The following FOXN3 variants were observed in gnomAD, a reference collection of about 807,000 sequenced individuals.
FOXN3 encodes the protein forkhead box N3.
In FOXN3, 7 loss-of-function variants were observed where a neutral mutation model predicts 38.4. That is an observed-to-expected ratio of 0.18 (90% CI 0.10 to 0.34). The LOEUF is 0.34. Ranked by LOEUF, FOXN3 falls within the 10% of genes least tolerant of loss-of-function variation. FOXN3 has a pLI of 1.00. For missense variants in FOXN3, 456 were observed against 613.4 expected (o/e 0.74, Z 2.71); for synonymous variants, 230 against 242.2 (o/e 0.95, Z 0.47).
chr14:89,459,470 C>T (rs965015642), intron 1 of FOXN3, among the ~76,000 whole-genome samples: 8 of 152,146 alleles, frequency 5.3e-5, no homozygotes, highest in African/African-American at 1.2e-4. Context: ...TTACTTTACA[C>T]GTGGGGAAAA....
intron 2 of FOXN3, among the ~76,000 whole-genome samples, chr14:89,382,767 T>C (rs1165864365): frequency 2.0e-5 from 3 of 152,172 alleles, no homozygotes; most frequent in Non-Finnish European, 4.4e-5. Flanking sequence ...AGATAACATA[T>C]GAAACCGCTT....
chr14:89,288,017 C>T (rs1294265173), intron 3 of FOXN3, among the ~76,000 whole-genome samples: 1 of 151,578 alleles, frequency 6.6e-6, no homozygotes, highest in Non-Finnish European at 1.5e-5. Flanking sequence ...GCCTTGATCA[C>T]ACCACTGCAC....
chr14:89,604,272 CAGAG>C (rs918900468), intron 1 of FOXN3, among the ~76,000 whole-genome samples: 51 of 150,576 alleles, frequency 3.4e-4, no homozygotes, highest in East Asian at 7.8e-4. Flanking sequence ...CGCACACACA[CAGAG>C]AGAGAGAGAG....
chr14:89,561,808 C>T (rs1019710931), intron 1 of FOXN3, among the ~76,000 whole-genome samples: 2 of 152,106 alleles, frequency 1.3e-5, no homozygotes, highest in African/African-American at 4.8e-5. Context: ...TTTAACATTT[C>T]CCCATTCAAC....
chr14:89,555,882 G>GTGTGTGTGTGGGT (rs58769284), intron 1 of FOXN3, among the ~76,000 whole-genome samples: 2 of 104,602 alleles, frequency 1.9e-5, no homozygotes, highest in Non-Finnish European at 4.1e-5. Flanking sequence ...TGTGTATGTG[G>GTGTGTGTGTGGGT]GGGTGTATGT....
chr14:89,523,062 A>T (rs1039583072), intron 1 of FOXN3, among the ~76,000 whole-genome samples: 13 of 152,180 alleles, frequency 8.5e-5, no homozygotes, highest in African/African-American at 3.1e-4. Context: ...AGAAATCTCG[A>T]ATAGCCCTAT....
At chr14:89,201,632 G>A (rs1176659173) in intron 4 of FOXN3, among the ~76,000 whole-genome samples, 1 of 152,172 alleles carries the variant, frequency 6.6e-6, no homozygotes, top group East Asian at 1.9e-4. Flanking sequence ...AAGGCCCAGG[G>A]AGATGCTCAG....
At chr14:89,342,021 C>T (rs1566961326) in intron 3 of FOXN3, among the ~76,000 whole-genome samples, 1 of 152,168 alleles carries the variant, frequency 6.6e-6, no homozygotes. Context: ...ATTGGAAACA[C>T]AGAGTTTCTT....
chr14:89,240,217 C>G (rs1390149418), intron 4 of FOXN3, among the ~76,000 whole-genome samples: 1 of 151,808 alleles, frequency 6.6e-6, no homozygotes, highest in Non-Finnish European at 1.5e-5. Flanking sequence ...CCAGAACTGA[C>G]CAGCACTTGG....
At chr14:89,410,078 C>G (rs1212564916) in intron 2 of FOXN3, among the ~76,000 whole-genome samples, 1 of 152,090 alleles carries the variant, frequency 6.6e-6, no homozygotes, top group Non-Finnish European at 1.5e-5. Context: ...TCCTCCCAGG[C>G]AACACCCCTC....
intron 2 of FOXN3, among the ~76,000 whole-genome samples, chr14:89,358,498 G>A (rs1041860734): frequency 4.6e-5 from 7 of 152,272 alleles, no homozygotes; most frequent in Admixed American, 2.0e-4. Flanking sequence ...ACACATACCT[G>A]GTTGGGCTGC....
At chr14:89,242,706 G>T (rs1259816804) in intron 4 of FOXN3, among the ~76,000 whole-genome samples, 1 of 152,074 alleles carries the variant, frequency 6.6e-6, no homozygotes, top group Non-Finnish European at 1.5e-5. Flanking sequence ...CCGGGAAAAG[G>T]CAAAGGAGAA....
At chr14:89,568,868 C>T (rs193087448) in intron 1 of FOXN3, among the ~76,000 whole-genome samples, 3 of 152,332 alleles carry the variant, frequency 2.0e-5, no homozygotes, top group Admixed American at 2.0e-4. Context: ...GATGGTTTGG[C>T]CCTTTCTTAG....
chr14:89,421,075 T>C (rs1440165368), upstream of FOXN3, among the ~76,000 whole-genome samples: 1 of 151,618 alleles, frequency 6.6e-6, no homozygotes, highest in East Asian at 1.9e-4. Context: ...TGGTTCCTTC[T>C]GAATGTTAGA....
intron 1 of FOXN3, among the ~76,000 whole-genome samples, chr14:89,498,210 C>CTTTTTTTT (rs547081117): frequency 8.5e-4 from 69 of 81,070 alleles, no homozygotes; most frequent in African/African-American, 2.4e-3. Context: ...CTCTCTCTCT[C>CTTTTTTTT]TTTTTTTTTT....
At chr14:89,379,643 AT>A (rs923111943) in intron 2 of FOXN3, among the ~76,000 whole-genome samples, 1 of 151,952 alleles carries the variant, frequency 6.6e-6, no homozygotes, top group African/African-American at 2.4e-5. Flanking sequence ...GTTTTGTTTT[AT>A]TTTTATTTTT....
At chr14:89,287,447 C>T in intron 3 of FOXN3, among the ~76,000 whole-genome samples, 1 of 152,044 alleles carries the variant, frequency 6.6e-6, no homozygotes, top group Non-Finnish European at 1.5e-5. Context: ...CCACGCCCAG[C>T]CCCAGTGGTA....
chr14:89,432,221 A>G (rs1892173764), intron 1 of FOXN3, among the ~76,000 whole-genome samples: 1 of 152,268 alleles, frequency 6.6e-6, no homozygotes, highest in Middle Eastern at 3.4e-3. Flanking sequence ...TTTCCTAGCA[A>G]TGTGTCTTGC....
intron 2 of FOXN3, among the ~76,000 whole-genome samples, chr14:89,352,684 C>A (rs1039725241): frequency 2.0e-5 from 3 of 152,222 alleles, no homozygotes; most frequent in Non-Finnish European, 4.4e-5. Flanking sequence ...TCTGGAAACC[C>A]AATGGCTTTT....
Sources: gnomAD v4.1 joint callset for allele counts (sites outside exome capture counted in the v4.1 genomes callset) on GRCh38, gnomAD v4.1.1 for gene constraint, MANE v1.5 for transcripts, NCBI Gene and HGNC (gene_info 2026-07-23, HGNC 2026-07-21) for gene names.